ZGLP1: variants seen among roughly 807,000 people sequenced by gnomAD.
ZGLP1 encodes the protein GATA-type zinc finger protein 1.
In ZGLP1, 11 loss-of-function variants were observed where a neutral mutation model predicts 21.4. The ratio of observed to expected loss-of-function variants is 0.51; its 90% confidence interval spans 0.32 to 0.85. ZGLP1 has a LOEUF of 0.85. Among genes scored for constraint, ZGLP1 ranks in the 40% least tolerant of loss-of-function variants. The pLI, the probability that ZGLP1 is intolerant of heterozygous loss-of-function variation, is 0.03. For missense variants in ZGLP1, 295 were observed against 355.6 expected (o/e 0.83, Z 1.37); for synonymous variants, 148 against 145.0 (o/e 1.02, Z -0.15).
At chr19:10,309,264 CAA>C (rs1256538613) in exon 1 of ZGLP1, 1 of 152,690 alleles carries the variant, frequency 6.5e-6, no homozygotes, top group Non-Finnish European at 1.5e-5. Context: ...ATAACCCCAG[CAA>C]AGAGAGGTCA....
At chr19:10,307,096 T>A (rs1463566578) in intron 1 of ZGLP1, among the ~76,000 whole-genome samples, 1 of 150,718 alleles carries the variant, frequency 6.6e-6, no homozygotes, top group African/African-American at 2.4e-5. Context: ...ATTGTGTCAT[T>A]GCACTCCAGC....
intron 1 of ZGLP1, among the ~76,000 whole-genome samples, chr19:10,307,149 T>A (rs866469550): frequency 2.7e-5 from 4 of 149,784 alleles, no homozygotes; most frequent in South Asian, 2.1e-4. Flanking sequence ...AAAAAAAAAA[T>A]ATTGTTTTGG....
intron 1 of ZGLP1, among the ~76,000 whole-genome samples, chr19:10,306,887 A>G (rs1303288544): frequency 1.3e-5 from 2 of 152,094 alleles, no homozygotes; most frequent in African/African-American, 2.4e-5. Flanking sequence ...TAATCCCAAC[A>G]CTTTGGGAGG....
chr19:10,306,645 C>T (rs912658733), intron 1 of ZGLP1, among the ~76,000 whole-genome samples: 13 of 151,832 alleles, frequency 8.6e-5, no homozygotes, highest in Non-Finnish European at 1.2e-4. Flanking sequence ...TAGGGAGACC[C>T]CGTCTCTACA....
Position 10,305,983 on chromosome 19 carries a change from G to GACAAGCTACAGATCCCCCCCAGT in ZGLP1, c.498-32_498-31insACTGGGGGGGATCTGTAGCTTGT. The GACAAGCTACAGATCCCCCCCAGT allele has an allele frequency of 6.7e-7, 1 of 1,482,448 alleles. No homozygotes were observed. The highest frequency in any genetic ancestry group is 9.2e-7 in the Non-Finnish European group (1 of 1,087,678). The allele number at this position is 1,482,448 out of a possible 1,614,324, so 91.8% of individuals were successfully genotyped here. ...GGGCAGACAAGGTATTAGCACTGGG[G>GACAAGCTACAGATCCCCCCCAGT]GGGATCTGTAGCTTGTCCCCAACAG... On this transcript the variant is annotated intron_variant, in intron 1 of 3. Coordinates refer to ENST00000403903, the Ensembl canonical transcript of ZGLP1. This position sits in a 1 kb window ranked among gnomAD's most constrained non-coding sequence, Gnocchi z 4.7.
exon 4 of ZGLP1, chr19:10,304,834 G>A: frequency 1.9e-6 from 1 of 537,788 alleles, no homozygotes; most frequent in Non-Finnish European, 3.3e-6. Context: ...TATTGTCCCT[G>A]CTGTAACAAT....
chr19:10,306,646 C>T (rs944027761), intron 1 of ZGLP1, among the ~76,000 whole-genome samples: 3 of 151,774 alleles, frequency 2.0e-5, no homozygotes, highest in African/African-American at 7.3e-5. Context: ...AGGGAGACCC[C>T]GTCTCTACAA....
exon 1 of ZGLP1, chr19:10,309,726 A>C (rs2040303947): frequency 6.6e-6 from 1 of 152,180 alleles, no homozygotes; most frequent in Non-Finnish European, 1.5e-5. Flanking sequence ...ATCCCTCCGC[A>C]GCTGCCGGGG....
chr19:10,306,676 G>A (rs1180155761), intron 1 of ZGLP1, among the ~76,000 whole-genome samples: 2 of 152,044 alleles, frequency 1.3e-5, no homozygotes, highest in African/African-American at 4.8e-5. Flanking sequence ...ATAGCCAGGA[G>A]TGGTGGTACA....
At chr19:10,308,396 C>G (rs2040291707) in exon 1 of ZGLP1, 1 of 1,608,726 alleles carries the variant, frequency 6.2e-7, no homozygotes, top group Non-Finnish European at 8.5e-7. Flanking sequence ...GAATCCCTGT[C>G]CAGCAGCAGG....
exon 1 of ZGLP1, chr19:10,308,448 C>G: frequency 6.2e-7 from 1 of 1,610,586 alleles, no homozygotes; most frequent in Non-Finnish European, 8.5e-7. Context: ...AGCAAGGCCC[C>G]AGGACCGGGG....
At chr19:10,308,270 C>G (rs2040290611) in exon 1 of ZGLP1, 1 of 1,604,168 alleles carries the variant, frequency 6.2e-7, no homozygotes, top group Middle Eastern at 1.7e-4. Flanking sequence ...TCCACTCTCT[C>G]GGTGCCCCGG....
At chr19:10,308,771 A>C in exon 1 of ZGLP1, 1 of 1,269,988 alleles carries the variant, frequency 7.9e-7, no homozygotes, top group Non-Finnish European at 1.0e-6. Context: ...AGCCCTCCAC[A>C]TCAATCAACC....
rs749068716 is a variant in ZGLP1, at chr19:10,305,767, G to A, written c.604+79C>T. ...TAAATGGGGAAGCAAGATGGAGAAG[G>A]GGGGGGCAGGGAGAAAGGCAGGGAA... On this transcript the variant is annotated intron_variant, in intron 2 of 3. Transcript: ENST00000403903. This position sits in a 1 kb window ranked among gnomAD's most constrained non-coding sequence, Gnocchi z 4.7. The A allele has an allele frequency of 1.2e-5, 14 of 1,176,452 alleles. No individual in the cohort carries two copies. The highest frequency in any genetic ancestry group is 1.7e-5 in the Non-Finnish European group (14 of 806,146). 72.9% of individuals were successfully genotyped at this position (1,176,452 alleles called of 1,614,324 possible).
chr19:10,308,792 C>T (rs55905227), exon 1 of ZGLP1: 161,669 of 1,069,192 alleles, frequency 0.15, 13,558 homozygotes, highest in Admixed American at 0.29. Flanking sequence ...CCTTACGGCA[C>T]CCGTAGATCA....
In ZGLP1 at chr19:10,308,629, G is replaced by C. The variant is rs139526971; in HGVS notation, c.53C>G (p.Pro18Arg). 47 of 1,529,028 alleles carry C rather than the reference G, an allele frequency of 3.1e-5. 1 individual carries two copies. The African/African-American group carries it at 5.5e-4, about 18-fold the overall frequency. The allele number at this position is 1,529,028 out of a possible 1,614,324, so 94.7% of individuals were successfully genotyped here. ...CGGCCAGGGGGTTCCAACTTGGGCC[G>C]GCTCTTTGTGTACCCTTGGACAGGC... The change falls in exon 1 of 4, where the codon CCG (proline) becomes CGG (arginine). Residue 18 changes from proline to arginine, a missense_variant. Pro to Arg is a moderately radical substitution (Grantham distance 103, BLOSUM62 -2). Around this residue, in one of 2 missense-constraint regions of ZGLP1, gnomAD observed 252 missense variants for 264.0 expected, o/e 0.95. Transcript: ENST00000403903.
Position 10,308,657 on chromosome 19 carries a change from C to G in ZGLP1, c.25G>C (p.Val9Leu), listed in dbSNP as rs199833353. The G allele has an allele frequency of 7.2e-5, 109 of 1,504,858 alleles. No homozygotes were observed. The African/African-American group carries it at 1.4e-3, about 19-fold the overall frequency. The allele number at this position is 1,504,858 out of a possible 1,614,324, so 93.2% of individuals were successfully genotyped here. A position where few individuals can be genotyped will look rare whatever the true frequency, so the allele number is the denominator to read the frequency against. ...TCTTTGTGTACCCTTGGACAGGCTA[C>G]ACACCCCACCTGAGGTTCAGTCATT... is the stretch of plus-strand genomic sequence containing the variant. Residue 9 changes from valine to leucine, a missense_variant, in exon 1 of 4, where the codon GTA becomes CTA. Val to Leu is a conservative substitution (Grantham distance 32). Coordinates refer to ENST00000403903, the Ensembl canonical transcript of ZGLP1.
chr19:10,308,153 GA>G, intron 1 of ZGLP1, 31 bp downstream of exon 2: 1 of 1,511,620 alleles, frequency 6.6e-7, no homozygotes. Flanking sequence ...GTAACTGGGA[GA>G]AAGGGCGGCC....
rs530088791 is a variant in ZGLP1 at position 10,305,908 on chromosome 19, A to T, written c.542T>A (p.Val181Asp). 6.4e-7 allele frequency: 1 copy of T among 1,565,826 alleles called. No individual in the cohort carries two copies. Reference sequence around the variant, plus strand: ...TCCTGGGTGGGCTGCAGGGCCCCCAACAGCATCTGCAGGGGATTCCTGAGA... The same window carrying T: ...TCCTGGGTGGGCTGCAGGGCCCCCATCAGCATCTGCAGGGGATTCCTGAGA... Residue 181 changes from valine to aspartate, a missense_variant, in exon 2 of 4, where the codon GTT (valine) becomes GAT (aspartate). By Grantham distance (152) the Val-to-Asp change is radical. This residue lies in a region of ZGLP1 where 252 missense variants were observed against 264.0 expected (regional missense o/e 0.95). Coordinates refer to ENST00000403903, the Ensembl canonical transcript of ZGLP1. The surrounding 1 kb of genome is among the most constrained non-coding windows in gnomAD (Gnocchi z 4.7).
Sources: allele counts gnomAD v4.1 joint callset (sites outside exome capture counted in the v4.1 genomes callset), GRCh38; gene constraint gnomAD v4.1.1; regional missense constraint gnomAD v4.1.1; non-coding constraint Gnocchi (gnomAD v3.1); transcripts MANE v1.5; gene names NCBI Gene and HGNC (gene_info 2026-07-23, HGNC 2026-07-21).